Variants in BRCC3 observed in about 807,000 individuals in gnomAD.
BRCC3 encodes the protein BRCA1/BRCA2-containing complex subunit 3, also known as lys-63-specific deubiquitinase BRCC36.
Under a neutral mutation model 28.0 loss-of-function variants are expected in BRCC3, and 15 were observed. The ratio of observed to expected loss-of-function variants is 0.54; its 90% CI spans 0.36 to 0.82. The LOEUF (loss-of-function observed/expected upper bound fraction) is 0.82, where lower values mean the gene tolerates loss of function less well. Among genes scored for constraint, BRCC3 ranks in the 40% least tolerant of loss-of-function variants. BRCC3 has a pLI of 0.01. For missense variants in BRCC3, 109 were observed against 225.9 expected (o/e 0.48, Z 3.32); for synonymous variants, 66 against 80.3 (o/e 0.82, Z 0.95).
At chrX:155,110,201 T>C (rs1182488399) in intron 7 of BRCC3, among the ~76,000 whole-genome samples, 5 of 111,653 alleles carry the variant, frequency 4.5e-5, no homozygotes, top group African/African-American at 1.6e-4. Flanking sequence ...GATTTTGATA[T>C]CATGGTTTTG....
intron 3 of BRCC3, among the ~76,000 whole-genome samples, chrX:155,075,244 T>TTG (rs2074022614): frequency 1.8e-5 from 1 of 54,102 alleles, no homozygotes; most frequent in Admixed American, 1.9e-4. Flanking sequence ...TTCTCTCAGA[T>TTG]TTCACCCTTG....
At chrX:155,071,839 C>T (rs1557292625) in intron 1 of BRCC3, among the ~76,000 whole-genome samples, 189 bp downstream of exon 1, 1 of 111,787 alleles carries the variant, frequency 8.9e-6, no homozygotes, top group Non-Finnish European at 1.9e-5. Context: ...GTTTAGTCTC[C>T]TGCGAGCCCC....
intron 7 of BRCC3, among the ~76,000 whole-genome samples, chrX:155,112,256 T>TA (rs782569645): frequency 1.8e-5 from 2 of 111,610 alleles, no homozygotes; most frequent in African/African-American, 3.2e-5. Flanking sequence ...AAATAAGGGT[T>TA]ATTTGAACAT....
chrX:155,077,682 C>T (rs1316926875), intron 4 of BRCC3, among the ~76,000 whole-genome samples: 1 of 111,651 alleles, frequency 9.0e-6, no homozygotes, highest in Non-Finnish European at 1.9e-5. Flanking sequence ...TTGTGACTTC[C>T]TCTCAAAAAA....
chrX:155,083,774 T>C (rs1343602761), intron 5 of BRCC3, among the ~76,000 whole-genome samples: 1 of 112,506 alleles, frequency 8.9e-6, no homozygotes, highest in Non-Finnish European at 1.9e-5. Context: ...ATGTTGAAAA[T>C]CTAGTGACCA....
chrX:155,115,016 C>T (rs988560004), intron 7 of BRCC3, among the ~76,000 whole-genome samples: 4 of 111,598 alleles, frequency 3.6e-5, no homozygotes, highest in African/African-American at 9.8e-5. Context: ...ATGATAAGAA[C>T]GATGGCTGAC....
intron 7 of BRCC3, among the ~76,000 whole-genome samples, chrX:155,096,159 A>G (rs1557296235): frequency 8.9e-6 from 1 of 112,616 alleles, no homozygotes; most frequent in Admixed American, 9.4e-5. Context: ...GAAGCCACAC[A>G]AAAAGTCACA....
intron 7 of BRCC3, among the ~76,000 whole-genome samples, chrX:155,111,120 A>G (rs1325107021): frequency 8.9e-6 from 1 of 111,833 alleles, no homozygotes; most frequent in Non-Finnish European, 1.9e-5. Context: ...TGCTCAAGCT[A>G]TCAGTCACAA....
chrX:155,105,241 G>C (rs2074272020), intron 7 of BRCC3, among the ~76,000 whole-genome samples: 1 of 111,892 alleles, frequency 8.9e-6, no homozygotes, highest in Admixed American at 9.4e-5. Context: ...CCAGCACTTT[G>C]GGAGGCCGAG....
intron 7 of BRCC3, among the ~76,000 whole-genome samples, chrX:155,114,247 G>A (rs1216332709): frequency 3.6e-5 from 4 of 111,371 alleles, no homozygotes; most frequent in South Asian, 7.4e-4. Context: ...AAAATGCAAC[G>A]TAACATATAA....
intron 2 of BRCC3, 114 bp from the exon 3 acceptor site, chrX:155,073,263 T>G: frequency 1.2e-6 from 1 of 858,376 alleles, no homozygotes. Context: ...CTCCTCTTCT[T>G]TGGTCTCTGC....
At position 155,076,368 on chromosome X, in the gene BRCC3, G is replaced by A. The variant is rs191314735; in HGVS notation, c.196-802G>A. ...TGCACTACTGCACTCCAGCCTGGGC[G>A]ACAGACTGAGACTGTGTCAAAAACA... On this transcript the variant is annotated intron_variant, in intron 3 of 10. Transcript: ENST00000330045. Among the ~76,000 whole-genome samples the A allele has an allele frequency of 1.6e-4, 18 of 110,045 alleles. No homozygotes were observed. In the East Asian group the frequency reaches 3.7e-3, roughly 22 times the overall value.
intron 7 of BRCC3, among the ~76,000 whole-genome samples, chrX:155,093,349 T>G (rs146930158): frequency 9.1e-6 from 1 of 110,351 alleles, no homozygotes; most frequent in East Asian, 2.9e-4. Flanking sequence ...TATATTGGTC[T>G]TTGGGGAATG....
In BRCC3 at chrX:155,111,722, A is replaced by G. The variant is rs924688376; in HGVS notation, c.549-4335A>G. Among the ~76,000 whole-genome samples the G allele has an allele frequency of 5.1e-5, 5 of 98,458 alleles. No homozygotes were observed. In the South Asian group the frequency reaches 2.4e-3, roughly 47 times the overall value. The allele number at this position is 98,458 out of a possible 115,157, so 85.5% of individuals were successfully genotyped here. ...GCACTAATTTCTTAAATATGACATCAAATGCACAAGGGAGAAAGGAAAAAC... is the reference window on the plus strand; with the variant it reads ...GCACTAATTTCTTAAATATGACATCGAATGCACAAGGGAGAAAGGAAAAAC... On this transcript the variant is annotated intron_variant, in intron 7 of 10. Coordinates refer to ENST00000330045, the MANE Select transcript of BRCC3 (RefSeq NM_001018055.3).
In BRCC3 at chrX:155,075,277, T is replaced by C. The variant is rs1569560406; in HGVS notation, c.195+1846T>C. 5.9e-5 allele frequency among the ~76,000 whole-genome samples: 3 copies of C among 50,508 alleles called. No individual in the cohort carries two copies. In the African/African-American group the frequency reaches 1.8e-3, roughly 31 times the overall value. The allele number at this position is 50,508 out of a possible 115,157, so 43.9% of individuals were successfully genotyped here. ...TTGTCCCTTCAACATCTGATAATGC[T>C]AAGCCCACTCTTTCCCCTGGCCCTT... On this transcript the variant is annotated intron_variant, in intron 3 of 10. Coordinates refer to ENST00000330045, the MANE Select transcript of BRCC3 (RefSeq NM_001018055.3).
intron 2 of BRCC3, 23 bp downstream of exon 2, chrX:155,072,366 A>G (rs782286677): frequency 1.7e-6 from 2 of 1,153,682 alleles, no homozygotes; most frequent in Admixed American, 2.2e-5. Context: ...TTGTTTACTC[A>G]TATCTTATAA....
intron 9 of BRCC3, among the ~76,000 whole-genome samples, chrX:155,119,444 G>A (rs1328332247): frequency 8.9e-6 from 1 of 112,340 alleles, no homozygotes; most frequent in Non-Finnish European, 1.9e-5. Context: ...GTCTCACCAT[G>A]AAGCTGAACA....
In BRCC3 at chrX:155,116,178, A is replaced by T; in HGVS notation, c.670A>T (p.Arg224Trp). The T allele has an allele frequency of 8.4e-7, 1 of 1,187,276 alleles. No homozygotes were observed. Among genetic ancestry groups the T allele is most frequent in the Non-Finnish European group, 1.1e-6 (1 of 882,452 alleles). Residue 224 changes from arginine to tryptophan, a missense_variant, in exon 8 of 11, where the codon AGG (arginine) becomes TGG (tryptophan). By Grantham distance (101) the Arg-to-Trp change is moderately radical. This residue lies in a region of BRCC3 where 50 missense variants were observed against 115.2 expected (regional missense o/e 0.43). Transcript: ENST00000330045. ...CCAGGAGGAGCAGGATGCGTATAGG[A>T]GGATCCACAGGTAGAGACCCTCTTC... ...LCQEEQDAYR[R>W]IHSLTHLDSV...
chrX:155,095,093 A>C (rs1233070739), intron 7 of BRCC3, among the ~76,000 whole-genome samples: 2 of 111,853 alleles, frequency 1.8e-5, no homozygotes, highest in Admixed American at 9.4e-5. Flanking sequence ...TAATCTGAAA[A>C]TATGAATTCC....
Sources: gnomAD v4.1 joint callset for allele counts (sites outside exome capture counted in the v4.1 genomes callset) on GRCh38, gnomAD v4.1.1 for gene constraint, gnomAD v4.1.1 regional missense constraint, MANE v1.5 for transcripts, NCBI Gene and HGNC (gene_info 2026-07-23, HGNC 2026-07-21) for gene names.